The following MLPH variants were observed in gnomAD, a reference collection of about 807,000 sequenced individuals.
The protein encoded by MLPH is melanophilin, also known as exophilin-3.
In MLPH, 51 loss-of-function variants were observed where a neutral mutation model predicts 72.1. The observed-to-expected ratio is 0.71, with a 90% CI of 0.56 to 0.89. The LOEUF is 0.89. MLPH is among the 40% of genes least tolerant of loss of function. The probability of loss-of-function intolerance (pLI) is 0.00; values close to 1 mark genes in which losing one functional copy is unlikely to be tolerated. For synonymous variants in MLPH, 301 were observed against 310.1 expected (o/e 0.97, Z 0.31); for missense variants, 743 against 759.9 (o/e 0.98, Z 0.26).
At chr2:237,516,288 C>T (rs1020920199) in intron 4 of MLPH, among the ~76,000 whole-genome samples, 3 of 152,298 alleles carry the variant, frequency 2.0e-5, no homozygotes, top group African/African-American at 4.8e-5. Flanking sequence ...GCCACAGCAC[C>T]GGCCAAGCCA....
chr2:237,527,614 A>G, intron 8 of MLPH, 98 bp downstream of exon 8: 9 of 1,468,140 alleles, frequency 6.1e-6, no homozygotes, highest in Non-Finnish European at 8.5e-6. Context: ...AGCTTTTAAT[A>G]CTTTCAAACT....
chr2:237,493,608 G>C (rs2079473694), intron 2 of MLPH, 72 bp downstream of exon 2: 1 of 1,150,632 alleles, frequency 8.7e-7, no homozygotes, highest in Non-Finnish European at 1.3e-6. Context: ...TATGGGTGCT[G>C]TCTGGGTGGG....
chr2:237,537,204 C>G (rs889279055), intron 9 of MLPH, among the ~76,000 whole-genome samples: 1 of 151,976 alleles, frequency 6.6e-6, no homozygotes. Context: ...GGTTCAGGTC[C>G]CTGTCACACA....
chr2:237,553,766 C>A lies in MLPH; in HGVS notation c.*174C>A. The A allele has an allele frequency of 1.1e-6, 1 of 878,610 alleles. No individual in the cohort carries two copies. Among genetic ancestry groups the A allele is most frequent in the Non-Finnish European group, 1.9e-6 (1 of 512,932 alleles). 54.4% of individuals were successfully genotyped at this position (878,610 alleles called of 1,614,324 possible). On this transcript the variant is annotated 3_prime_UTR_variant, in exon 16 of 16. Transcript: ENST00000264605. ...TGCAAGTGGACAGCGACATTCAGTC[C>A]TGCACTGCTCACCTGGGTTTACTGA...
rs547338799 is a variant in MLPH, at chr2:237,492,076, T to C, written c.-24-1327T>C. Among the ~76,000 whole-genome samples, 4 of 152,190 alleles carry C rather than the reference T, an allele frequency of 2.6e-5. No individual in the cohort carries two copies. The South Asian group carries it at 8.3e-4, about 32-fold the overall frequency. On this transcript the variant is annotated intron_variant, in intron 1 of 15. Transcript: ENST00000264605. ...GTAGGTCTGGGTTGGAGCCTGAGAG[T>C]CTGTACTTCTAACAAGTTCCCAGGG...
At chr2:237,529,477 C>T (rs1332538841) in intron 8 of MLPH, among the ~76,000 whole-genome samples, 2 of 152,286 alleles carry the variant, frequency 1.3e-5, no homozygotes, top group Admixed American at 1.3e-4. Context: ...CCCTGAGTTC[C>T]GCTTGCTGCA....
chr2:237,524,090 C>A (rs1361980924), intron 6 of MLPH, among the ~76,000 whole-genome samples: 1 of 151,826 alleles, frequency 6.6e-6, no homozygotes, highest in Non-Finnish European at 1.5e-5. Context: ...AAAGGAGAGG[C>A]AGGCTGAGGC....
intron 2 of MLPH, among the ~76,000 whole-genome samples, chr2:237,498,008 C>T (rs112191582): frequency 0.012 from 1,755 of 152,290 alleles, 26 homozygotes; most frequent in African/African-American, 0.04. Context: ...AGAGGGAAGC[C>T]CGTGGGCGCG....
chr2:237,540,787 C>T lies in MLPH; in HGVS notation c.1291-15C>T. The T allele has an allele frequency of 6.2e-7, 1 of 1,612,696 alleles. No homozygotes were observed. The highest frequency in any genetic ancestry group is 8.5e-7 in the Non-Finnish European group (1 of 1,179,798). On this transcript the variant is annotated splice_polypyrimidine_tract_variant and intron_variant, in intron 10 of 15. Coordinates refer to ENST00000264605, the MANE Select transcript of MLPH (RefSeq NM_024101.7). ...CCTCCTGCTGCTGGTCAGCCTCCGT[C>T]CTTCTCTTTCCTAGGTGGGCACGGC...
At chr2:237,542,231 G>A (rs1383723126) in intron 11 of MLPH, among the ~76,000 whole-genome samples, 1 of 152,132 alleles carries the variant, frequency 6.6e-6, no homozygotes, top group Non-Finnish European at 1.5e-5. Flanking sequence ...ACTGCTAGGT[G>A]AAGAGTAGCC....
intron 13 of MLPH, 123 bp from the exon 14 acceptor site, chr2:237,549,098 G>A: frequency 1.2e-6 from 1 of 816,776 alleles, no homozygotes; most frequent in South Asian, 1.5e-5. Flanking sequence ...AATATTGCTA[G>A]AGAGCAGAAA....
At chr2:237,521,526 G>A (rs1268854424) in intron 6 of MLPH, among the ~76,000 whole-genome samples, 3 of 152,150 alleles carry the variant, frequency 2.0e-5, no homozygotes, top group Non-Finnish European at 4.4e-5. Context: ...TGCTAGGTGT[G>A]GCTGATTAAT....
chr2:237,522,839 C>G (rs2080219588), intron 6 of MLPH, among the ~76,000 whole-genome samples: 1 of 152,130 alleles, frequency 6.6e-6, no homozygotes, highest in Non-Finnish European at 1.5e-5. Flanking sequence ...CAGGAGGAAC[C>G]ATGCTATAGC....
In MLPH at chr2:237,511,074, T is replaced by A. The variant is rs773307766; in HGVS notation, c.418T>A (p.Ser140Thr). 6.2e-7 allele frequency: 1 copy of A among 1,613,754 alleles called. No homozygotes were observed. Among genetic ancestry groups the A allele is most frequent in the Non-Finnish European group, 8.5e-7 (1 of 1,179,940 alleles). The stretch of plus-strand genomic sequence containing the variant: ...GTTCGGAAGTGCCAAGGTCATCCGG[T>A]CCCTCCACGGGCGGCTGCAGGGTGG... ...KRFGSAKVIR[S>T]LHGRLQGGAG... The change falls in exon 4 of 16, where the codon TCC becomes ACC. Residue 140 changes from serine (S) to threonine (T), a missense_variant. By Grantham distance (58) the Ser-to-Thr change is moderately conservative. Transcript: ENST00000264605.
At position 237,516,788 on chromosome 2, in the gene MLPH, GA is replaced by G. The variant is rs2080029066; in HGVS notation, c.446-1750del. On this transcript the variant is annotated intron_variant, in intron 4 of 15. Coordinates refer to ENST00000264605, the MANE Select transcript of MLPH (RefSeq NM_024101.7). ...TGGGAGAGGGAGAGATGAATGGATG[GA>G]TGGATGGATGGATGGATGGATGGAT... Among the ~76,000 whole-genome samples the G allele has an allele frequency of 3.3e-5, 3 of 91,784 alleles. No individual in the cohort carries two copies. In the South Asian group the frequency reaches 9.7e-4, roughly 30 times the overall value. The allele number at this position is 91,784 out of a possible 152,430, so 60.2% of individuals were successfully genotyped here.
chr2:237,513,958 T>A (rs2079961038), intron 4 of MLPH, among the ~76,000 whole-genome samples: 1 of 152,228 alleles, frequency 6.6e-6, no homozygotes, highest in Non-Finnish European at 1.5e-5. Context: ...GCAGATTCAT[T>A]GGACAAAAGA....
At chr2:237,549,795 C>T (rs567165093) in intron 14 of MLPH, among the ~76,000 whole-genome samples, 3 of 152,294 alleles carry the variant, frequency 2.0e-5, no homozygotes, top group African/African-American at 7.2e-5. Flanking sequence ...TCCCGTCCCT[C>T]TGCTGTCGAG....
chr2:237,546,089 G>A (rs2080913282), intron 12 of MLPH, among the ~76,000 whole-genome samples: 1 of 152,190 alleles, frequency 6.6e-6, no homozygotes, highest in Non-Finnish European at 1.5e-5. Flanking sequence ...GTCCAGTAAG[G>A]TGGGACAACC....
At chr2:237,497,385 G>A (rs2106465426) in intron 2 of MLPH, among the ~76,000 whole-genome samples, 2 of 152,308 alleles carry the variant, frequency 1.3e-5, no homozygotes, top group African/African-American at 4.8e-5. Context: ...TTTGTTGACT[G>A]CCCTATTGGT....
Sources: gnomAD v4.1 joint callset for allele counts (sites outside exome capture counted in the v4.1 genomes callset) on GRCh38, gnomAD v4.1.1 for gene constraint, MANE v1.5 for transcripts, NCBI Gene and HGNC (gene_info 2026-07-23, HGNC 2026-07-21) for gene names.